Variants in COL10A1 observed in about 807,000 individuals in gnomAD.
COL10A1 encodes collagen alpha-1(X) chain.
In COL10A1, 10 loss-of-function variants were observed where a neutral mutation model predicts 18.2. The observed-to-expected ratio is 0.55, with a 90% CI of 0.34 to 0.93. The LOEUF (loss-of-function observed/expected upper bound fraction) is 0.93, where lower values mean the gene tolerates loss of function less well. Ranked by LOEUF, COL10A1 falls within the 40% of genes least tolerant of loss-of-function variation. COL10A1 has a pLI of 0.02. For missense variants in COL10A1, 897 were observed against 853.5 expected, an observed-to-expected ratio of 1.05 and a Z score of -0.64; for synonymous variants, 330 against 316.6, an observed-to-expected ratio of 1.04 and a Z score of -0.45.
chr6:116,148,189 A>G (rs866798393), intron 1 of COL10A1, among the ~76,000 whole-genome samples: 31 of 152,320 alleles, frequency 2.0e-4, no homozygotes, highest in South Asian at 8.3e-4. Flanking sequence ...TAGTGCTTGC[A>G]TCTTGAGAGG....
the COL10A1 span, among the ~76,000 whole-genome samples, chr6:116,210,745 AAAAT>A: frequency 0.19 from 29,533 of 151,998 alleles, 3,767 homozygotes; most frequent in Middle Eastern, 0.34. Context: ...GAAATGTTTT[AAAAT>A]AAATGTTAAT....
At chr6:116,201,980 GCTGACCAA>G in the COL10A1 span, among the ~76,000 whole-genome samples, 1 of 152,024 alleles carries the variant, frequency 6.6e-6, no homozygotes, top group Non-Finnish European at 1.5e-5. Flanking sequence ...CTGGAGGAGT[GCTGACCAA>G]TAGAACTTCC....
chr6:116,185,390 G>A, the COL10A1 span, among the ~76,000 whole-genome samples: 1 of 152,044 alleles, frequency 6.6e-6, no homozygotes, highest in Admixed American at 6.6e-5. Flanking sequence ...TTGTTCTAGG[G>A]TATAGTTTAA....
the COL10A1 span, among the ~76,000 whole-genome samples, chr6:116,165,853 C>G: frequency 5.9e-5 from 9 of 152,340 alleles, no homozygotes; most frequent in African/African-American, 1.7e-4. Flanking sequence ...TTGCAGGGTA[C>G]TGGTGATTGC....
the COL10A1 span, among the ~76,000 whole-genome samples, chr6:116,195,733 A>T: frequency 3.9e-5 from 6 of 152,196 alleles, no homozygotes; most frequent in Admixed American, 3.9e-4. Context: ...ATTAAGATTG[A>T]AGTGTAGGCA....
At chr6:116,168,333 A>G in the COL10A1 span, among the ~76,000 whole-genome samples, 1 of 151,434 alleles carries the variant, frequency 6.6e-6, no homozygotes, top group Non-Finnish European at 1.5e-5. Context: ...CTCATTTCTA[A>G]CCATTTTTCT....
chr6:116,197,994 A>G, the COL10A1 span, among the ~76,000 whole-genome samples: 5 of 152,188 alleles, frequency 3.3e-5, no homozygotes, highest in South Asian at 2.1e-4. Flanking sequence ...TTATGGCCCC[A>G]GGGCACCTAG....
chr6:116,141,505 G>A lies in COL10A1; in HGVS notation c.-15-15998C>T, dbSNP rs1417018777. ...TCCCAACTTTCCAGTGGGACTCCAAGTCATTGTATATTCAAGAAAAAACGT... is the reference window on the plus strand; with the variant it reads ...TCCCAACTTTCCAGTGGGACTCCAAATCATTGTATATTCAAGAAAAAACGT... On this transcript the variant is annotated intron_variant, in intron 1 of 1. Transcript: ENST00000418500. Among the ~76,000 whole-genome samples, 5 of 151,876 alleles carry A rather than the reference G, an allele frequency of 3.3e-5. No homozygotes were observed. In the East Asian group the frequency reaches 9.6e-4, roughly 29 times the overall value.
Position 116,120,194 on chromosome 6 carries a change from A to G in COL10A1, c.1922T>C (p.Ile641Thr). Residue 641 changes from isoleucine to threonine, a missense_variant, in exon 3 of 3, where the codon ATC becomes ACC. Coordinates refer to ENST00000651968, the MANE Select transcript of COL10A1 (RefSeq NM_000493.4). ...CTGGTCATTTTCTGTGAGATCGATG[A>G]TGGCACTCCCTGAAGCCTGATCCAG... ...GYLDQASGSA[I>T]IDLTENDQVW... The G allele has an allele frequency of 1.9e-6, 3 of 1,614,124 alleles. No individual in the cohort carries two copies. The highest frequency in any genetic ancestry group is 2.5e-6 in the Non-Finnish European group (3 of 1,180,022).
At chr6:116,143,345 G>C (rs1582831228) in intron 1 of COL10A1, among the ~76,000 whole-genome samples, 2 of 152,120 alleles carry the variant, frequency 1.3e-5, no homozygotes, top group South Asian at 4.2e-4. Context: ...CAAGTAGCTG[G>C]GATTATAGGC....
chr6:116,141,931 A>G (rs1449687619), intron 1 of COL10A1, among the ~76,000 whole-genome samples: 3 of 136,046 alleles, frequency 2.2e-5, no homozygotes, highest in Non-Finnish European at 4.6e-5. Context: ...CACACACTGT[A>G]AATGTGAGAT....
upstream of COL10A1, among the ~76,000 whole-genome samples, chr6:116,160,701 G>T (rs548323623): frequency 2.6e-5 from 4 of 152,250 alleles, no homozygotes; most frequent in East Asian, 7.7e-4. Context: ...GCCTAGGCCA[G>T]TGTCCAGAAG....
upstream of COL10A1, among the ~76,000 whole-genome samples, chr6:116,161,248 G>A (rs1296173197): frequency 6.6e-6 from 1 of 150,580 alleles, no homozygotes. Flanking sequence ...GCTAGATGAC[G>A]AGTTAGTGGG....
chr6:116,157,298 C>T (rs1323630920), intron 1 of COL10A1, among the ~76,000 whole-genome samples: 1 of 152,098 alleles, frequency 6.6e-6, no homozygotes, highest in African/African-American at 2.4e-5. Context: ...GATTGTGTGG[C>T]ACCAGTCAGT....
In COL10A1 at chr6:116,120,581, G is replaced by A. The variant is rs1283941644; in HGVS notation, c.1535C>T (p.Pro512Leu). The change falls in exon 3 of 3, where the codon CCT becomes CTT. Residue 512 changes from proline (P) to leucine (L), a missense_variant. Coordinates refer to ENST00000651968, the MANE Select transcript of COL10A1 (RefSeq NM_000493.4). The part of the protein sequence containing the change: ...GEPGLPGPPG[P>L]PGPPGQAVMP... ...GACTGCTTGACCTGGTGGGCCTGGA[G>A]GCCCAGGGGGCCCTGGAAGACCAGG... The A allele has an allele frequency of 1.3e-6, 2 of 1,592,908 alleles. No individual in the cohort carries two copies. Among genetic ancestry groups the A allele is most frequent in the East Asian group, 2.2e-5 (1 of 44,732 alleles).
chr6:116,136,426 C>G (rs1779603581), intron 1 of COL10A1, among the ~76,000 whole-genome samples: 1 of 151,736 alleles, frequency 6.6e-6, no homozygotes, highest in African/African-American at 2.4e-5. Flanking sequence ...AAAAACCATT[C>G]TTAGGTAGAT....
At chr6:116,209,753 G>C in the COL10A1 span, among the ~76,000 whole-genome samples, 10 of 151,872 alleles carry the variant, frequency 6.6e-5, no homozygotes, top group Non-Finnish European at 1.3e-4. Flanking sequence ...GACAATATCA[G>C]TTCAGTGACA....
At chr6:116,200,277 A>C in the COL10A1 span, among the ~76,000 whole-genome samples, 352 of 152,178 alleles carry the variant, frequency 2.3e-3, 2 homozygotes, top group African/African-American at 8.3e-3. Flanking sequence ...AAACTATGTC[A>C]CGGTCAAGAG....
chr6:116,149,021 G>A (rs1231380341), intron 1 of COL10A1, among the ~76,000 whole-genome samples: 2 of 152,132 alleles, frequency 1.3e-5, no homozygotes, highest in African/African-American at 4.8e-5. Flanking sequence ...TTTCCTTGAT[G>A]TTTGGATTTT....
Sources: gnomAD v4.1 joint callset for allele counts (sites outside exome capture counted in the v4.1 genomes callset) on GRCh38, gnomAD v4.1.1 for gene constraint, MANE v1.5 for transcripts, NCBI Gene and HGNC (gene_info 2026-07-23, HGNC 2026-07-21) for gene names.